Variants in MCTP2 observed in about 807,000 individuals in gnomAD.
MCTP2 encodes multiple C2 and transmembrane domain-containing protein 2.
A neutral mutation model predicts 111.6 loss-of-function variants in MCTP2; 132 were observed. That is an observed-to-expected ratio of 1.18 (90% CI 1.03 to 1.37). The LOEUF (loss-of-function observed/expected upper bound fraction) is 1.37. MCTP2 is among the 40% of genes most tolerant of loss of function. The probability of loss-of-function intolerance (pLI) is 0.00; values close to 1 mark genes in which losing one functional copy is unlikely to be tolerated. For synonymous variants in MCTP2, 395 were observed against 387.7 expected (o/e 1.02, Z -0.22); for missense variants, 1,183 against 1,067.9 (o/e 1.11, Z -1.50).
intron 17 of MCTP2, chr15:94,403,353 C>T (rs1227548016): frequency 5.6e-6 from 3 of 532,630 alleles, no homozygotes; most frequent in Non-Finnish European, 2.4e-6. Context: ...TCCCCTTCAA[C>T]CTCCCCAGCT....
chr15:94,298,029 T>C (rs1038930722), intron 1 of MCTP2, among the ~76,000 whole-genome samples, 172 bp from the exon 2 acceptor site: 3 of 152,208 alleles, frequency 2.0e-5, no homozygotes, highest in Admixed American at 2.0e-4. Context: ...AAAAATGCTT[T>C]CCCCAATATT....
Position 94,407,453 on chromosome 15 carries a change from C to T in MCTP2, c.2085+5434C>T, listed in dbSNP as rs140279637. 8.5e-4 allele frequency among the ~76,000 whole-genome samples: 129 copies of T among 152,220 alleles called. 1 individual carries two copies. Among genetic ancestry groups the T allele is most frequent in the African/African-American group, 2.6e-3 (109 of 41,546 alleles). On this transcript the variant is annotated intron_variant, in intron 17 of 22. Coordinates refer to ENST00000357742, the MANE Select transcript of MCTP2 (RefSeq NM_001385001.1). ...GTAATCTAAATCTACCATATATCAA[C>T]GAGTATCTTCATAAAGCTATGATTT... is the stretch of plus-strand genomic sequence containing the variant.
rs553885339 is a variant in MCTP2 at position 94,482,096 on chromosome 15, T to G, written c.*3062T>G. The G allele has an allele frequency of 6.6e-6, 1 of 152,326 alleles. No individual in the cohort carries two copies. Among genetic ancestry groups the G allele is most frequent in the East Asian group, 1.9e-4 (1 of 5,188 alleles). 9.4% of individuals were successfully genotyped at this position (152,326 alleles called of 1,614,324 possible). A position where few individuals can be genotyped will look rare whatever the true frequency, so the allele number is the denominator to read the frequency against. On this transcript the variant is annotated 3_prime_UTR_variant, in exon 23 of 23. Coordinates refer to ENST00000357742, the MANE Select transcript of MCTP2 (RefSeq NM_001385001.1). ...GGATTCTTTTTTCTTTACTTGTAAA[T>G]TATCATTTAACAAGTCTATATTGAA...
chr15:94,305,482 C>T (rs528246347), intron 2 of MCTP2, among the ~76,000 whole-genome samples: 3 of 151,978 alleles, frequency 2.0e-5, no homozygotes, highest in Non-Finnish European at 2.9e-5. Flanking sequence ...CACACACATG[C>T]GGATATATAT....
intron 1 of MCTP2, among the ~76,000 whole-genome samples, chr15:94,239,731 T>C (rs1177013675): frequency 2.0e-5 from 3 of 152,234 alleles, no homozygotes; most frequent in Non-Finnish European, 2.9e-5. Flanking sequence ...GACATGTAGC[T>C]TTGGCAAAGA....
intron 1 of MCTP2, among the ~76,000 whole-genome samples, chr15:94,245,716 G>GTA (rs34856900): frequency 0.089 from 12,399 of 139,650 alleles, 657 homozygotes; most frequent in Admixed American, 0.16. Flanking sequence ...GTGTGTGTGT[G>GTA]TATATATATA....
intron 16 of MCTP2, 96 bp from the exon 17 acceptor site, chr15:94,401,804 A>G (rs1174869459): frequency 1.4e-5 from 13 of 909,648 alleles, no homozygotes; most frequent in Non-Finnish European, 2.1e-5. Flanking sequence ...ATTGGGATCT[A>G]TACAAAATAT....
rs377323001 is a variant in MCTP2, at chr15:94,272,706, C to T, written c.-65-25495C>T. Among the ~76,000 whole-genome samples, 6 of 147,538 alleles carry T rather than the reference C, an allele frequency of 4.1e-5. No individual in the cohort carries two copies. In the East Asian group the frequency reaches 1.2e-3, roughly 29 times the overall value. ...TCCTTTGGCTTTTCGGTTTTGGGTT[C>T]TATTTGTCATAAGATAACACCATAT... On this transcript the variant is annotated intron_variant, in intron 1 of 22. Transcript: ENST00000357742.
intron 19 of MCTP2, among the ~76,000 whole-genome samples, chr15:94,449,495 C>T (rs2084314674): frequency 6.6e-6 from 1 of 152,160 alleles, no homozygotes; most frequent in Admixed American, 6.5e-5. Flanking sequence ...TTTATTGGTT[C>T]ATTTTTCTGC....
intron 9 of MCTP2, among the ~76,000 whole-genome samples, chr15:94,358,211 A>G (rs1224994755): frequency 6.6e-6 from 1 of 152,222 alleles, no homozygotes; most frequent in Non-Finnish European, 1.5e-5. Flanking sequence ...GTGTGTGTAT[A>G]TATAATTTAT....
chr15:94,243,257 A>G (rs921789056), intron 1 of MCTP2, among the ~76,000 whole-genome samples: 1 of 149,542 alleles, frequency 6.7e-6, no homozygotes, highest in Non-Finnish European at 1.5e-5. Flanking sequence ...ATGCGTATAT[A>G]CATACATACG....
chr15:94,364,768 C>G (rs2079103283), intron 10 of MCTP2, among the ~76,000 whole-genome samples: 1 of 152,160 alleles, frequency 6.6e-6, no homozygotes, highest in African/African-American at 2.4e-5. Flanking sequence ...TAACCTCTTA[C>G]TAGGTTGGGG....
At chr15:94,308,145 C>G (rs2075970469) in intron 2 of MCTP2, among the ~76,000 whole-genome samples, 1 of 152,132 alleles carries the variant, frequency 6.6e-6, no homozygotes, top group Non-Finnish European at 1.5e-5. Context: ...AGTAAATACC[C>G]TCTGAGTGAT....
chr15:94,367,922 C>T (rs950018641), intron 11 of MCTP2, 131 bp downstream of exon 11: 15 of 752,510 alleles, frequency 2.0e-5, no homozygotes, highest in Admixed American at 3.8e-5. Context: ...TTTCCTTGTA[C>T]GTCATAAAAC....
rs139543198 is a variant in MCTP2, at chr15:94,298,496, G to A, written c.231G>A (p.Ser77=). 1.1e-3 allele frequency: 1,714 copies of A among 1,614,002 alleles called. 5 individuals are homozygous for A. The highest frequency in any genetic ancestry group is 1.5e-3 in the Admixed American group (88 of 60,014). The change falls in exon 2 of 23, where the codon TCG becomes TCA. Residue 77 remains serine (S), a synonymous_variant. Coordinates refer to ENST00000357742, the MANE Select transcript of MCTP2 (RefSeq NM_001385001.1). ...CCGGGCCACAGTCTTCCTACACCTC[G>A]GTGCCCAGCAGTCTGTCCACTGCAG... is the stretch of plus-strand genomic sequence containing the variant. ...PYSGPQSSYT[S]VPSSLSTAGI...
intron 1 of MCTP2, among the ~76,000 whole-genome samples, chr15:94,268,874 G>A (rs2073752036): frequency 6.6e-6 from 1 of 151,010 alleles, no homozygotes; most frequent in African/African-American, 2.4e-5. Context: ...TATATTATTG[G>A]TAGTTTTTAG....
intron 8 of MCTP2, among the ~76,000 whole-genome samples, chr15:94,353,097 C>G (rs571805698): frequency 6.6e-6 from 1 of 152,172 alleles, no homozygotes; most frequent in Non-Finnish European, 1.5e-5. Flanking sequence ...CCTGCCCTCC[C>G]TTTAGGAGGG....
At chr15:94,467,174 G>A (rs2073420505) in intron 20 of MCTP2, among the ~76,000 whole-genome samples, 1 of 152,134 alleles carries the variant, frequency 6.6e-6, no homozygotes, top group Admixed American at 6.5e-5. Flanking sequence ...GAGTGGTGGG[G>A]TAAATTACGT....
intron 3 of MCTP2, 29 bp downstream of exon 3, chr15:94,314,373 T>C: frequency 6.7e-7 from 1 of 1,495,988 alleles, no homozygotes. Context: ...AAAGAAACAT[T>C]AAATGTTGTA....
Sources: allele counts gnomAD v4.1 joint callset (sites outside exome capture counted in the v4.1 genomes callset), GRCh38; gene constraint gnomAD v4.1.1; transcripts MANE v1.5; gene names NCBI Gene and HGNC (gene_info 2026-07-23, HGNC 2026-07-21).